MAN2A1: variants seen among roughly 807,000 people sequenced by gnomAD.
The protein encoded by MAN2A1 is alpha-mannosidase 2.
A neutral mutation model predicts 142.6 loss-of-function variants in MAN2A1; 76 were observed. The ratio of observed to expected loss-of-function variants is 0.53; its 90% confidence interval spans 0.44 to 0.65. The LOEUF (loss-of-function observed/expected upper bound fraction) is 0.65, where lower values mean the gene tolerates loss of function less well. Ranked by LOEUF, MAN2A1 falls within the 30% of genes least tolerant of loss-of-function variation. MAN2A1 has a pLI of 0.00. For missense variants in MAN2A1, 1,311 were observed against 1,365.1 expected, an observed-to-expected ratio of 0.96 and a Z score of 0.62; for synonymous variants, 559 against 473.2, an observed-to-expected ratio of 1.18 and a Z score of -2.35.
chr5:109,842,290 T>A (rs1367439944), intron 16 of MAN2A1, 38 bp from the exon 17 acceptor site: 2 of 1,356,120 alleles, frequency 1.5e-6, no homozygotes, highest in Non-Finnish European at 2.0e-6. Flanking sequence ...GGCAAGTAAT[T>A]TCTTTCTATT....
intron 5 of MAN2A1, among the ~76,000 whole-genome samples, chr5:109,764,158 A>G (rs1290620003): frequency 6.6e-6 from 1 of 152,036 alleles, no homozygotes; most frequent in Non-Finnish European, 1.5e-5. Flanking sequence ...CCATATTACA[A>G]ATATATTTCC....
At chr5:109,841,514 G>T (rs1167008363) in intron 16 of MAN2A1, among the ~76,000 whole-genome samples, 1 of 152,148 alleles carries the variant, frequency 6.6e-6, no homozygotes, top group Non-Finnish European at 1.5e-5. Flanking sequence ...TCTGTATTAA[G>T]TGTGTTGGAT....
At chr5:109,823,598 G>A (rs1392819470) in intron 15 of MAN2A1, 125 bp from the exon 16 acceptor site, 1 of 596,994 alleles carries the variant, frequency 1.7e-6, no homozygotes, top group East Asian at 2.9e-5. Flanking sequence ...GTAAGATCTG[G>A]TTTACACTTA....
In MAN2A1 at chr5:109,774,645, C is replaced by G. The variant is rs573330735; in HGVS notation, c.1197-143C>G. ...AAAATCTGTCTTTAAATTATACTAA[C>G]CTTGCAGATAGATAAAATATACAGT... On this transcript the variant is annotated intron_variant, in intron 7 of 21. Coordinates refer to ENST00000261483, the MANE Select transcript of MAN2A1 (RefSeq NM_002372.4). 4.0e-5 allele frequency: 24 copies of G among 600,142 alleles called. No individual in the cohort carries two copies. In the South Asian group the frequency reaches 5.0e-4, roughly 13 times the overall value. 37.2% of individuals were successfully genotyped at this position (600,142 alleles called of 1,614,324 possible). A position where few individuals can be genotyped will look rare whatever the true frequency, so the allele number is the denominator to read the frequency against.
At chr5:109,741,037 A>T (rs1324883648) in intron 4 of MAN2A1, among the ~76,000 whole-genome samples, 1 of 152,198 alleles carries the variant, frequency 6.6e-6, no homozygotes, top group Non-Finnish European at 1.5e-5. Flanking sequence ...ATGGTAAGAT[A>T]TTGGAGGGGA....
intron 16 of MAN2A1, among the ~76,000 whole-genome samples, chr5:109,836,170 C>T (rs890824726): frequency 1.2e-4 from 18 of 151,878 alleles, no homozygotes; most frequent in African/African-American, 4.1e-4. Context: ...AGTGCAGTGG[C>T]GCGATCTTGG....
chr5:109,735,682 C>T (rs1442531796), intron 4 of MAN2A1, among the ~76,000 whole-genome samples: 2 of 152,062 alleles, frequency 1.3e-5, no homozygotes, highest in Non-Finnish European at 2.9e-5. Context: ...TTGGCTGCTC[C>T]CTGCACATTA....
intron 12 of MAN2A1, among the ~76,000 whole-genome samples, chr5:109,796,409 A>G (rs1032232811): frequency 3.3e-5 from 5 of 152,218 alleles, no homozygotes; most frequent in African/African-American, 9.7e-5. Context: ...TAAGAATAAC[A>G]CATACATATC....
intron 16 of MAN2A1, among the ~76,000 whole-genome samples, chr5:109,831,402 G>A (rs1216730056): frequency 6.6e-6 from 1 of 152,178 alleles, no homozygotes; most frequent in Non-Finnish European, 1.5e-5. Flanking sequence ...CTTAGAGAAT[G>A]TCACATGAAA....
chr5:109,778,681 T>G (rs1312037653), intron 8 of MAN2A1, among the ~76,000 whole-genome samples: 1 of 152,124 alleles, frequency 6.6e-6, no homozygotes, highest in African/African-American at 2.4e-5. Context: ...TTAATGCATT[T>G]TCTTTCTCTC....
rs140125739 is a variant in MAN2A1 at position 109,693,021 on chromosome 5, G to C, written c.135+2469G>C. Among the ~76,000 whole-genome samples the C allele has an allele frequency of 4.7e-4, 72 of 152,286 alleles. No individual in the cohort carries two copies. In the East Asian group the frequency reaches 0.013, roughly 27 times the overall value. On this transcript the variant is annotated intron_variant, in intron 1 of 21. Transcript: ENST00000261483. ...TGACCTGCTATGCCACTCACCTCCTGCTGTGTGGCCTGGTTCCTAACAGGT... is the reference window on the plus strand; with the variant it reads ...TGACCTGCTATGCCACTCACCTCCTCCTGTGTGGCCTGGTTCCTAACAGGT...
chr5:109,802,200 C>G (rs943467899), intron 12 of MAN2A1, among the ~76,000 whole-genome samples: 5 of 152,052 alleles, frequency 3.3e-5, no homozygotes, highest in Admixed American at 2.0e-4. Context: ...GTAGACTGCC[C>G]ATAAGACAAA....
intron 13 of MAN2A1, among the ~76,000 whole-genome samples, chr5:109,818,474 A>T (rs1754531353): frequency 6.6e-6 from 1 of 152,286 alleles, no homozygotes; most frequent in African/African-American, 2.4e-5. Flanking sequence ...CTTTCCATCT[A>T]GAAAATGGAA....
chr5:109,769,352 C>T (rs116002037), intron 6 of MAN2A1, among the ~76,000 whole-genome samples: 2,180 of 152,208 alleles, frequency 0.014, 38 homozygotes, highest in African/African-American at 0.05. Flanking sequence ...AAAATGTTTT[C>T]GAATTAAGTT....
chr5:109,716,749 G>A (rs1751465338), intron 3 of MAN2A1, among the ~76,000 whole-genome samples: 1 of 152,166 alleles, frequency 6.6e-6, no homozygotes, highest in African/African-American at 2.4e-5. Context: ...GTATTTATCA[G>A]TGTTAGATGA....
chr5:109,769,146 A>G (rs1753070914), intron 6 of MAN2A1, among the ~76,000 whole-genome samples: 1 of 152,200 alleles, frequency 6.6e-6, no homozygotes, highest in African/African-American at 2.4e-5. Context: ...TTTTGTGGCG[A>G]CTATATGCTC....
intron 1 of MAN2A1, among the ~76,000 whole-genome samples, chr5:109,708,496 A>G (rs991301832): frequency 6.9e-6 from 1 of 145,090 alleles, no homozygotes; most frequent in South Asian, 2.1e-4. Flanking sequence ...CTCCAGAAAG[A>G]CAGAACTGAT....
At chr5:109,697,287 T>C (rs1233678558) in intron 1 of MAN2A1, among the ~76,000 whole-genome samples, 1 of 152,244 alleles carries the variant, frequency 6.6e-6, no homozygotes, top group Non-Finnish European at 1.5e-5. Flanking sequence ...ATTTTAAATA[T>C]CTTCTTGAGA....
At chr5:109,726,579 G>T (rs1192514087) in intron 3 of MAN2A1, among the ~76,000 whole-genome samples, 1 of 152,170 alleles carries the variant, frequency 6.6e-6, no homozygotes, top group Non-Finnish European at 1.5e-5. Flanking sequence ...AGGGGTGAAT[G>T]AAGTGTTGAA....
Sources: gnomAD v4.1 joint callset for allele counts (sites outside exome capture counted in the v4.1 genomes callset) on GRCh38, gnomAD v4.1.1 for gene constraint, MANE v1.5 for transcripts, NCBI Gene and HGNC (gene_info 2026-07-23, HGNC 2026-07-21) for gene names.